The following DYRK1A variants were observed in gnomAD, a reference collection of about 807,000 sequenced individuals.
DYRK1A encodes dual specificity tyrosine phosphorylation regulated kinase 1A, also known as dual specificity tyrosine-phosphorylation-regulated kinase 1A.
A neutral mutation model predicts 79.7 loss-of-function variants in DYRK1A; 9 were observed. That is an observed-to-expected ratio of 0.11 (90% CI 0.07 to 0.20). DYRK1A has a LOEUF of 0.20. Among genes scored for constraint, DYRK1A ranks in the 10% least tolerant of loss-of-function variants. DYRK1A has a pLI of 1.00. For missense variants in DYRK1A, 622 were observed against 956.0 expected, an observed-to-expected ratio of 0.65 and a Z score of 4.61; for synonymous variants, 349 against 329.7, an observed-to-expected ratio of 1.06 and a Z score of -0.63.
intron 3 of DYRK1A, among the ~76,000 whole-genome samples, chr21:37,475,574 T>C (rs568148309): frequency 1.4e-4 from 22 of 152,364 alleles, no homozygotes; most frequent in African/African-American, 5.1e-4. Flanking sequence ...TGTAGACATT[T>C]ATTTGTTCTT....
At chr21:37,510,190 G>GT (rs2053710630) in intron 11 of DYRK1A, among the ~76,000 whole-genome samples, 1 of 152,208 alleles carries the variant, frequency 6.6e-6, no homozygotes, top group South Asian at 2.1e-4. Flanking sequence ...CAGAATGACT[G>GT]TTTCAAAGGG....
intron 2 of DYRK1A, among the ~76,000 whole-genome samples, chr21:37,446,874 AGAG>A (rs1485680795): frequency 2.6e-5 from 4 of 152,196 alleles, no homozygotes; most frequent in African/African-American, 2.4e-5. Flanking sequence ...AGGTCAGGCC[AGAG>A]GAGGAGTTCT....
At chr21:37,464,329 T>C (rs370343486) in intron 2 of DYRK1A, 2 of 480,844 alleles carry the variant, frequency 4.2e-6, no homozygotes, top group African/African-American at 4.0e-5. Flanking sequence ...TGCTAGAACA[T>C]AGTAACGTGG....
chr21:37,506,048 A>T (rs1363482907), intron 10 of DYRK1A, 51 bp from the exon 11 acceptor site: 2 of 1,570,962 alleles, frequency 1.3e-6, no homozygotes, highest in Admixed American at 3.4e-5. Context: ...AAATTTGAAC[A>T]AAATGAATTT....
At chr21:37,486,665 T>A in intron 6 of DYRK1A, 51 bp downstream of exon 6, 1 of 1,373,836 alleles carries the variant, frequency 7.3e-7, no homozygotes, top group Non-Finnish European at 9.5e-7. Context: ...ACCAAAACTT[T>A]GAGTTAATGG....
intron 5 of DYRK1A, among the ~76,000 whole-genome samples, chr21:37,483,088 G>C (rs1469860939): frequency 6.6e-6 from 1 of 152,102 alleles, no homozygotes; most frequent in South Asian, 2.1e-4. Flanking sequence ...CGAAAATGAA[G>C]GGATTAAGAG....
At chr21:37,467,675 A>G (rs945484169) in intron 2 of DYRK1A, among the ~76,000 whole-genome samples, 15 of 152,262 alleles carry the variant, frequency 9.9e-5, no homozygotes, top group African/African-American at 3.1e-4. Context: ...AAGGTCTTAG[A>G]AAACTAGCAG....
In DYRK1A at chr21:37,524,081, T is replaced by G. The variant is rs1249564954; in HGVS notation, c.*11550T>G. On this transcript the variant is annotated 3_prime_UTR_variant, in exon 12 of 12. Transcript: ENST00000647188. ...TGTGCTTTTAAGGTACAATGGAGTA[T>G]GAATTGTTACTGAATTAGGCAGCAA... 5 of 152,214 alleles carry G rather than the reference T, an allele frequency of 3.3e-5. No individual in the cohort carries two copies. The highest frequency in any genetic ancestry group is 6.5e-5 in the Admixed American group (1 of 15,286). The allele number at this position is 152,214 out of a possible 1,614,324, so 9.4% of individuals were successfully genotyped here.
chr21:37,438,515 T>C (rs1470814862), intron 2 of DYRK1A, among the ~76,000 whole-genome samples: 2 of 152,178 alleles, frequency 1.3e-5, no homozygotes, highest in East Asian at 3.8e-4. Context: ...CTGCAAAGTA[T>C]AGATCAAAGA....
rs2053946421 is a variant in DYRK1A, at chr21:37,523,197, G to A, written c.*10666G>A. On this transcript the variant is annotated 3_prime_UTR_variant, in exon 12 of 12. Transcript: ENST00000647188. ...TGGGACCACAGGCGCATGCCACTGT[G>A]CCTGGCTAAATTATTTTATATTTTG... 1 of 152,258 alleles carries A rather than the reference G, an allele frequency of 6.6e-6. No homozygotes were observed. The highest frequency in any genetic ancestry group is 1.5e-5 in the Non-Finnish European group (1 of 68,114). The allele number at this position is 152,258 out of a possible 1,614,324, so 9.4% of individuals were successfully genotyped here.
intron 5 of DYRK1A, among the ~76,000 whole-genome samples, chr21:37,482,720 TG>T (rs1251528591): frequency 6.6e-6 from 1 of 152,150 alleles, no homozygotes; most frequent in Non-Finnish European, 1.5e-5. Flanking sequence ...TATGGGAGAC[TG>T]GGGCTTATTT....
rs1482244300 is a variant in DYRK1A at position 37,520,606 on chromosome 21, G to A, written c.*8075G>A. 5.9e-5 allele frequency: 9 copies of A among 152,194 alleles called. No homozygotes were observed. Among genetic ancestry groups the A allele is most frequent in the Non-Finnish European group, 1.2e-4 (8 of 68,048 alleles). 9.4% of individuals were successfully genotyped at this position (152,194 alleles called of 1,614,324 possible). A position where few individuals can be genotyped will look rare whatever the true frequency, so the allele number is the denominator to read the frequency against. ...GACTATACATGATTTGCATTACAAT[G>A]GGCCGTGGATTTGGATGGATGATGA... is the stretch of plus-strand genomic sequence containing the variant. On this transcript the variant is annotated 3_prime_UTR_variant, in exon 12 of 12. Transcript: ENST00000647188.
chr21:37,479,600 G>GGTTTTGTTTTTTTTTT (rs2052533897), intron 4 of DYRK1A, among the ~76,000 whole-genome samples: 1 of 22,794 alleles, frequency 4.4e-5, no homozygotes, highest in Non-Finnish European at 7.2e-5. Context: ...TTTTGTTTTT[G>GGTTTTGTTTTTTTTTT]TTTTTGTTTT....
chr21:37,506,009 TC>T, intron 10 of DYRK1A, 89 bp from the exon 11 acceptor site: 1 of 1,435,420 alleles, frequency 7.0e-7, no homozygotes, highest in South Asian at 1.4e-5. Context: ...GTGAGTACTT[TC>T]AGTTTTAATG....
chr21:37,478,088 G>T, intron 3 of DYRK1A, 120 bp from the exon 4 acceptor site: 1 of 1,343,680 alleles, frequency 7.4e-7, no homozygotes, highest in Non-Finnish European at 1.0e-6. Context: ...CATCTAATGT[G>T]TAGCTGTCTT....
At chr21:37,450,190 G>A (rs1286426610) in intron 2 of DYRK1A, among the ~76,000 whole-genome samples, 1 of 152,164 alleles carries the variant, frequency 6.6e-6, no homozygotes, top group African/African-American at 2.4e-5. Flanking sequence ...TTGGTCACTA[G>A]CAAAGCCCTG....
intron 2 of DYRK1A, among the ~76,000 whole-genome samples, chr21:37,467,730 C>G (rs191409038): frequency 4.1e-4 from 62 of 152,216 alleles, no homozygotes; most frequent in Non-Finnish European, 7.4e-5. Flanking sequence ...TGTTAAAAAC[C>G]TGCAGCAACC....
chr21:37,511,823 C>G, intron 11 of DYRK1A, 88 bp from the exon 12 acceptor site: 1 of 1,423,354 alleles, frequency 7.0e-7, no homozygotes. Flanking sequence ...TAATATGATG[C>G]TAGTTTGTTA....
intron 2 of DYRK1A, among the ~76,000 whole-genome samples, chr21:37,443,443 G>A (rs2051169988): frequency 6.6e-6 from 1 of 152,106 alleles, no homozygotes; most frequent in Non-Finnish European, 1.5e-5. Context: ...TTTTTATTGT[G>A]TACCAGCCAT....
Sources: gnomAD v4.1 joint callset for allele counts (sites outside exome capture counted in the v4.1 genomes callset) on GRCh38, gnomAD v4.1.1 for gene constraint, MANE v1.5 for transcripts, NCBI Gene and HGNC (gene_info 2026-07-23, HGNC 2026-07-21) for gene names.